SPRED3: variants seen among roughly 807,000 people sequenced by gnomAD.
SPRED3 encodes sprouty-related, EVH1 domain-containing protein 3.
Under a neutral mutation model 37.6 loss-of-function variants are expected in SPRED3, and 23 were observed. The observed-to-expected ratio is 0.61, with a 90% confidence interval of 0.44 to 0.87. SPRED3 has a LOEUF of 0.87. SPRED3 is among the 40% of genes least tolerant of loss of function. The pLI is 0.00. For synonymous variants in SPRED3, 302 were observed against 279.6 expected, an observed-to-expected ratio of 1.08 and a Z score of -0.80; for missense variants, 584 against 618.6, an observed-to-expected ratio of 0.94 and a Z score of 0.59.
At chr19:38,392,491 C>A in intron 4 of SPRED3, 1 of 578,942 alleles carries the variant, frequency 1.7e-6, no homozygotes, top group Non-Finnish European at 2.8e-6. Context: ...TTCAAGGGTC[C>A]TTATTGTGTA....
chr19:38,395,479 G>A lies in SPRED3; in HGVS notation c.568-1G>A. 2 of 1,480,216 alleles carry A rather than the reference G, an allele frequency of 1.4e-6. No individual in the cohort carries two copies. The highest frequency in any genetic ancestry group is 1.8e-6 in the Non-Finnish European group (2 of 1,117,976). 91.7% of individuals were successfully genotyped at this position (1,480,216 alleles called of 1,614,324 possible). The stretch of plus-strand genomic sequence containing the variant: ...GATCTGTTTGTCCCTTCGTTCCGCA[G>A]AGCTACCCTCCGCTTCTACCGTTCA... On this transcript the variant is annotated splice_acceptor_variant, in intron 5 of 5. Coordinates refer to ENST00000691638, the MANE Select transcript of SPRED3 (RefSeq NM_001394336.1). LOFTEE classifies it high-confidence loss of function. The surrounding 1 kb of genome is among the most constrained non-coding windows in gnomAD (Gnocchi z 5.2).
chr19:38,396,017 G>C lies in SPRED3; in HGVS notation c.1105G>C (p.Ala369Pro). Residue 369 changes from alanine (A) to proline (P), a missense_variant, in exon 6 of 6, where the codon GCG (alanine) becomes CCG (proline). Physicochemically the swap from Ala to Pro is conservative, Grantham distance 27. Transcript: ENST00000691638. ...GHPRPAARWAALAALSLAVPC... is the reference protein window; with the variant it reads ...GHPRPAARWAPLAALSLAVPC... ...CCCGCGCCCCGCCGCGCGCTGGGCC[G>C]CGCTGGCCGCGCTCTCCCTGGCAGT... 7.3e-7 allele frequency: 1 copy of C among 1,371,702 alleles called. No individual in the cohort carries two copies. Among genetic ancestry groups the C allele is most frequent in the Non-Finnish European group, 9.3e-7 (1 of 1,072,490 alleles). 85.0% of individuals were successfully genotyped at this position (1,371,702 alleles called of 1,614,324 possible).
Position 38,395,709 on chromosome 19 carries a change from C to T in SPRED3, c.797C>T (p.Ala266Val). 6.9e-7 allele frequency: 1 copy of T among 1,456,640 alleles called. No homozygotes were observed. Among genetic ancestry groups the T allele is most frequent in the Non-Finnish European group, 9.0e-7 (1 of 1,115,266 alleles). The allele number at this position is 1,456,640 out of a possible 1,614,324, so 90.2% of individuals were successfully genotyped here. ...CTACCTGCCCCTTTGACCGAGGCTG[C>T]GCCCCCAGCGCCCCCCGCTCGCCCA... is the stretch of plus-strand genomic sequence containing the variant. The part of the protein sequence containing the change: ...AALPAPLTEA[A>V]PPAPPARPPP... Residue 266 changes from alanine (A) to valine (V), a missense_variant, in exon 6 of 6, where the codon GCG becomes GTG. Transcript: ENST00000691638. This position sits in a 1 kb window ranked among gnomAD's most constrained non-coding sequence, Gnocchi z 5.2.
chr19:38,397,713 C>T lies in SPRED3; in HGVS notation c.*1568C>T, dbSNP rs1357060019. 6.6e-6 allele frequency: 1 copy of T among 152,228 alleles called. No homozygotes were observed. The highest frequency in any genetic ancestry group is 1.5e-5 in the Non-Finnish European group (1 of 68,086). 9.4% of individuals were successfully genotyped at this position (152,228 alleles called of 1,614,324 possible). A position where few individuals can be genotyped will look rare whatever the true frequency, so the allele number is the denominator to read the frequency against. The stretch of plus-strand genomic sequence containing the variant: ...TCCCAAGGATCCCAGCCCAAGCCCC[C>T]AGCAATCCTCAGAATTACCCCTTTA... On this transcript the variant is annotated 3_prime_UTR_variant, in exon 6 of 6. Coordinates refer to ENST00000691638, the MANE Select transcript of SPRED3 (RefSeq NM_001394336.1).
intron 4 of SPRED3, among the ~76,000 whole-genome samples, chr19:38,393,297 C>T (rs1274542432): frequency 1.3e-5 from 2 of 151,758 alleles, no homozygotes; most frequent in Non-Finnish European, 2.9e-5. Flanking sequence ...AAATTTTTCC[C>T]ATGTTCTAAG....
rs1266890796 is a variant in SPRED3 at position 38,397,985 on chromosome 19, G to T, written c.*1840G>T. On this transcript the variant is annotated 3_prime_UTR_variant, in exon 6 of 6. Coordinates refer to ENST00000691638, the MANE Select transcript of SPRED3 (RefSeq NM_001394336.1). Reference sequence around the variant, plus strand: ...GCATTGTCACAGATGATTATGCAGGGTCTTCATTAAGTGAAGGCACACAGC... The same window carrying T: ...GCATTGTCACAGATGATTATGCAGGTTCTTCATTAAGTGAAGGCACACAGC... 1.3e-5 allele frequency: 2 copies of T among 152,040 alleles called. No individual in the cohort carries two copies. The highest frequency in any genetic ancestry group is 2.9e-5 in the Non-Finnish European group (2 of 68,044). 9.4% of individuals were successfully genotyped at this position (152,040 alleles called of 1,614,324 possible). A position where few individuals can be genotyped will look rare whatever the true frequency, so the allele number is the denominator to read the frequency against.
chr19:38,391,190 G>A (rs73044908), intron 2 of SPRED3, among the ~76,000 whole-genome samples: 5,958 of 151,936 alleles, frequency 0.039, 176 homozygotes, highest in African/African-American at 0.068. Flanking sequence ...GTGGAAGTCT[G>A]ATAAGACTGT....
In SPRED3 at chr19:38,398,344, C is replaced by A. The variant is rs967749559; in HGVS notation, c.*2199C>A. ...CTCCCCCTCCCGGGTTCAAGCCATT[C>A]GTCTGCCTCAGCCTCCCGAGTAGCT... On this transcript the variant is annotated 3_prime_UTR_variant, in exon 6 of 6. Coordinates refer to ENST00000691638, the MANE Select transcript of SPRED3 (RefSeq NM_001394336.1). The A allele has an allele frequency of 6.6e-6, 1 of 152,244 alleles. No homozygotes were observed. Among genetic ancestry groups the A allele is most frequent in the Non-Finnish European group, 1.5e-5 (1 of 68,094 alleles). The allele number at this position is 152,244 out of a possible 1,614,324, so 9.4% of individuals were successfully genotyped here.
At chr19:38,393,678 G>A (rs1312370343) in intron 4 of SPRED3, among the ~76,000 whole-genome samples, 1 of 152,132 alleles carries the variant, frequency 6.6e-6, no homozygotes, top group Non-Finnish European at 1.5e-5. Context: ...TAGAATGTCA[G>A]CTCCAGGCCG....
At chr19:38,394,870 G>A in intron 5 of SPRED3, 84 bp downstream of exon 5, 1 of 1,429,942 alleles carries the variant, frequency 7.0e-7, no homozygotes, top group Non-Finnish European at 9.2e-7. Context: ...GGCCCGGGGA[G>A]GTGGGGAACA....
chr19:38,394,609 G>C, intron 4 of SPRED3, 34 bp from the exon 5 acceptor site: 1 of 1,569,410 alleles, frequency 6.4e-7, no homozygotes, highest in South Asian at 1.1e-5. Flanking sequence ...GTGCGGGGGC[G>C]TGTCCCCGCG....
In SPRED3 at chr19:38,396,217, G is replaced by A. The variant is rs542997540; in HGVS notation, c.*72G>A. On this transcript the variant is annotated 3_prime_UTR_variant, in exon 6 of 6. Transcript: ENST00000691638. Reference sequence around the variant, plus strand: ...GGGTCCAGGACCCCGGACTCCGTTCGGACCTAAAACCCAAACCTAGGCACA... The same window carrying A: ...GGGTCCAGGACCCCGGACTCCGTTCAGACCTAAAACCCAAACCTAGGCACA... The A allele has an allele frequency of 7.9e-6, 9 of 1,139,316 alleles. No homozygotes were observed. The highest frequency in any genetic ancestry group is 4.4e-5 in the South Asian group (1 of 22,870). The allele number at this position is 1,139,316 out of a possible 1,614,324, so 70.6% of individuals were successfully genotyped here.
At chr19:38,394,534 C>G (rs1970869347) in intron 4 of SPRED3, 109 bp from the exon 5 acceptor site, 2 of 1,564,064 alleles carry the variant, frequency 1.3e-6, no homozygotes, top group Admixed American at 1.8e-5. Flanking sequence ...GGGTTTGAAC[C>G]CAGGCCTTCC....
chr19:38,391,992 T>G lies in SPRED3; in HGVS notation c.224T>G (p.Val75Gly), dbSNP rs1182103858. 7 of 1,614,138 alleles carry G rather than the reference T, an allele frequency of 4.3e-6. No homozygotes were observed. Among genetic ancestry groups the G allele is most frequent in the Non-Finnish European group, 5.9e-6 (7 of 1,180,030 alleles). ...TLKPGLVYNK[V>G]NPIFHHWSLG... Reference sequence around the variant, plus strand: ...AAGCCAGGCTTGGTTTACAACAAGGTGAATCCCATCTTTCACCACTGGAGC... The same window carrying G: ...AAGCCAGGCTTGGTTTACAACAAGGGGAATCCCATCTTTCACCACTGGAGC... Residue 75 changes from valine to glycine, a missense_variant, in exon 3 of 6, where the codon GTG becomes GGG. Physicochemically the swap from Val to Gly is moderately radical, Grantham distance 109 (BLOSUM62 -3). Coordinates refer to ENST00000691638, the MANE Select transcript of SPRED3 (RefSeq NM_001394336.1).
chr19:38,396,979 C>T lies in SPRED3; in HGVS notation c.*834C>T, dbSNP rs1970906012. ...AGACCCATCCCAGAGCCCCCAAGAT[C>T]CAGATATCAGACACCAAGATGCTCT... On this transcript the variant is annotated 3_prime_UTR_variant, in exon 6 of 6. Coordinates refer to ENST00000691638, the MANE Select transcript of SPRED3 (RefSeq NM_001394336.1). 1.3e-5 allele frequency: 2 copies of T among 152,148 alleles called. No homozygotes were observed. The highest frequency in any genetic ancestry group is 1.3e-4 in the Admixed American group (2 of 15,278). 9.4% of individuals were successfully genotyped at this position (152,148 alleles called of 1,614,324 possible).
chr19:38,395,400 C>G lies in SPRED3; in HGVS notation c.568-80C>G. 7.6e-7 allele frequency: 1 copy of G among 1,307,450 alleles called. No individual in the cohort carries two copies. Among genetic ancestry groups the G allele is most frequent in the Non-Finnish European group, 1.0e-6 (1 of 1,001,698 alleles). 81.0% of individuals were successfully genotyped at this position (1,307,450 alleles called of 1,614,324 possible). A position where few individuals can be genotyped will look rare whatever the true frequency, so the allele number is the denominator to read the frequency against. ...GGGTCTTGAAAATCTGAATCCCAGA[C>G]CCAAGAGTGCGCTAGGGAACTGGAT... On this transcript the variant is annotated intron_variant, in intron 5 of 5. Coordinates refer to ENST00000691638, the MANE Select transcript of SPRED3 (RefSeq NM_001394336.1). The surrounding 1 kb of genome is among the most constrained non-coding windows in gnomAD (Gnocchi z 5.2).
intron 4 of SPRED3, among the ~76,000 whole-genome samples, chr19:38,393,010 T>C (rs1447667435): frequency 6.6e-6 from 1 of 152,214 alleles, no homozygotes. Context: ...TGAGATCCCA[T>C]GCCATGTGGC....
At chr19:38,394,474 G>A in intron 4 of SPRED3, 169 bp from the exon 5 acceptor site, 2 of 1,491,626 alleles carry the variant, frequency 1.3e-6, no homozygotes, top group Non-Finnish European at 1.9e-6. Flanking sequence ...GAGGCTCAAA[G>A]AGGTGAGCTC....
chr19:38,392,887 A>T (rs1382771286), intron 4 of SPRED3, among the ~76,000 whole-genome samples: 1 of 152,128 alleles, frequency 6.6e-6, no homozygotes, highest in East Asian at 1.9e-4. Flanking sequence ...GCCCCCACAC[A>T]TAGCCAGAGG....
Sources: gnomAD v4.1 joint callset for allele counts (sites outside exome capture counted in the v4.1 genomes callset) on GRCh38, gnomAD v4.1.1 for gene constraint, Gnocchi (gnomAD v3.1) non-coding constraint, MANE v1.5 for transcripts, NCBI Gene and HGNC (gene_info 2026-07-23, HGNC 2026-07-21) for gene names.